Variants in DNAH12 observed in about 807,000 individuals in gnomAD.
DNAH12 encodes the protein axonemal beta dynein heavy chain 12.
A neutral mutation model predicts 371.5 loss-of-function variants in DNAH12; 285 were observed. The observed-to-expected ratio is 0.77, with a 90% CI of 0.70 to 0.85. The LOEUF (loss-of-function observed/expected upper bound fraction) is 0.85. Among genes scored for constraint, DNAH12 ranks in the 40% least tolerant of loss-of-function variants. The pLI, the probability that DNAH12 is intolerant of heterozygous loss-of-function variation, is 0.00. For synonymous variants in DNAH12, 1,200 were observed against 1,213.0 expected (o/e 0.99, Z 0.22); for missense variants, 3,611 against 3,689.4 (o/e 0.98, Z 0.55).
intron 25 of DNAH12, 90 bp from the exon 26 acceptor site, chr3:57,446,779 T>C (rs2065514393): frequency 1.2e-5 from 15 of 1,248,356 alleles, no homozygotes; most frequent in Admixed American, 3.6e-5. Context: ...TAGCCTGTTC[T>C]GTAGCTTCAG....
chr3:57,297,161 A>C (rs2061249552), intron 70 of DNAH12, 177 bp from the exon 71 acceptor site: 3 of 601,964 alleles, frequency 5.0e-6, no homozygotes, highest in Admixed American at 3.2e-5. Context: ...TTCCCCTTCT[A>C]CTCTTCTTGG....
At chr3:57,508,206 A>C (rs951750902) in intron 7 of DNAH12, among the ~76,000 whole-genome samples, 176 bp downstream of exon 7, 7 of 151,798 alleles carry the variant, frequency 4.6e-5, no homozygotes, top group Non-Finnish European at 8.8e-5. Flanking sequence ...AAAACAAAAA[A>C]AAAAAAAACC....
At chr3:57,432,586 T>C (rs1227573850) in intron 32 of DNAH12, among the ~76,000 whole-genome samples, 5 of 152,138 alleles carry the variant, frequency 3.3e-5, no homozygotes, top group Non-Finnish European at 7.3e-5. Context: ...ACTAGGATAC[T>C]AATATAGACA....
chr3:57,514,984 A>T (rs1361143211), intron 4 of DNAH12, among the ~76,000 whole-genome samples: 1 of 152,212 alleles, frequency 6.6e-6, no homozygotes, highest in Non-Finnish European at 1.5e-5. Flanking sequence ...GATTTAACAA[A>T]ATAAGTAAAC....
chr3:57,318,131 G>A (rs1235152717), intron 65 of DNAH12, among the ~76,000 whole-genome samples: 1 of 152,034 alleles, frequency 6.6e-6, no homozygotes, highest in Non-Finnish European at 1.5e-5. Flanking sequence ...TTTTCACTTT[G>A]TTGATCATTT....
chr3:57,457,460 C>T (rs1486444012), intron 22 of DNAH12, among the ~76,000 whole-genome samples: 3 of 152,148 alleles, frequency 2.0e-5, no homozygotes, highest in Non-Finnish European at 4.4e-5. Context: ...CTCCAATAGC[C>T]TATCACTGGA....
chr3:57,310,357 T>C (rs1020067689), intron 67 of DNAH12, among the ~76,000 whole-genome samples: 4 of 152,234 alleles, frequency 2.6e-5, no homozygotes, highest in Non-Finnish European at 5.9e-5. Context: ...AAAGCTCATG[T>C]GCACAGAAAA....
intron 45 of DNAH12, among the ~76,000 whole-genome samples, chr3:57,389,332 T>C (rs2063561158): frequency 6.6e-6 from 1 of 152,122 alleles, no homozygotes; most frequent in Non-Finnish European, 1.5e-5. Flanking sequence ...TCTTTGGCAG[T>C]TAGAATATTT....
intron 71 of DNAH12, 77 bp downstream of exon 71, chr3:57,296,770 G>T: frequency 2.0e-6 from 3 of 1,469,256 alleles, no homozygotes; most frequent in South Asian, 2.7e-5. Flanking sequence ...GCTTACAATG[G>T]GTTACAATAC....
rs146559822 is a variant in DNAH12 at position 57,452,944 on chromosome 3, C to T, written c.3685G>A (p.Val1229Ile). 6.4e-7 allele frequency: 1 copy of T among 1,551,288 alleles called. No individual in the cohort carries two copies. The highest frequency in any genetic ancestry group is 1.4e-5 in the African/African-American group (1 of 73,118). The change falls in exon 25 of 74, where the codon GTT becomes ATT. Residue 1229 changes from valine (V) to isoleucine (I), a missense_variant. Around this residue, in one of 3 missense-constraint regions of DNAH12, gnomAD observed 31 missense variants for 53.8 expected, o/e 0.58. Transcript: ENST00000495027. ...TTTACATTGCAATTAATGATACGAA[C>T]TCGGGCATTCTCATTTTCCCAATAA... is the stretch of plus-strand genomic sequence containing the variant. The part of the protein sequence containing the change: ...RYYWENENAR[V>I]RIINCNVKYA...
At chr3:57,445,804 T>C (rs1362726720) in intron 27 of DNAH12, among the ~76,000 whole-genome samples, 1 of 151,912 alleles carries the variant, frequency 6.6e-6, no homozygotes, top group Non-Finnish European at 1.5e-5. Context: ...CTGGCTAACA[T>C]GGTAAAACCC....
intron 69 of DNAH12, among the ~76,000 whole-genome samples, chr3:57,307,908 C>T (rs187535844): frequency 6.6e-6 from 1 of 152,316 alleles, no homozygotes; most frequent in East Asian, 1.9e-4. Context: ...CAAAGGCAGG[C>T]TATGCTATAG....
At position 57,446,704 on chromosome 3, in the gene DNAH12, A is replaced by T; in HGVS notation, c.3787-15T>A. ...AAAGCACCTATCTGAAATGAAAAAC[A>T]CATGTGAAAAGAAATCCATGCTTAA... On this transcript the variant is annotated splice_polypyrimidine_tract_variant and intron_variant, in intron 25 of 73. Transcript: ENST00000495027. 1 of 1,476,558 alleles carries T rather than the reference A, an allele frequency of 6.8e-7. No individual in the cohort carries two copies. Among genetic ancestry groups the T allele is most frequent in the Non-Finnish European group, 9.0e-7 (1 of 1,108,216 alleles). 91.5% of individuals were successfully genotyped at this position (1,476,558 alleles called of 1,614,324 possible).
In DNAH12 at chr3:57,475,992, G is replaced by A. The variant is rs1575654391; in HGVS notation, c.1651-3321C>T. On this transcript the variant is annotated intron_variant, in intron 13 of 73. Transcript: ENST00000495027. ...AGCATTGCCAGTAATATCAAAAGCAGAAACAACCAAATATCCAGAACAGTA... is the reference window on the plus strand; with the variant it reads ...AGCATTGCCAGTAATATCAAAAGCAAAAACAACCAAATATCCAGAACAGTA... Among the ~76,000 whole-genome samples the A allele has an allele frequency of 2.0e-5, 3 of 152,214 alleles. No homozygotes were observed. In the South Asian group the frequency reaches 6.2e-4, roughly 32 times the overall value.
chr3:57,353,828 C>T (rs1255369460), intron 59 of DNAH12, among the ~76,000 whole-genome samples: 2 of 152,044 alleles, frequency 1.3e-5, no homozygotes, highest in African/African-American at 4.8e-5. Flanking sequence ...CAATGGGATA[C>T]CATCTCACAC....
chr3:57,431,857 T>A (rs1030014305), intron 32 of DNAH12, among the ~76,000 whole-genome samples: 4 of 152,170 alleles, frequency 2.6e-5, no homozygotes, highest in African/African-American at 9.7e-5. Flanking sequence ...TCTTCTTTTA[T>A]CCTCAATTTT....
At chr3:57,446,794 G>A (rs2065515034) in intron 25 of DNAH12, 105 bp from the exon 26 acceptor site, 2 of 1,135,678 alleles carry the variant, frequency 1.8e-6, no homozygotes, top group Non-Finnish European at 2.3e-6. Flanking sequence ...CTTCAGAGAA[G>A]CCATTATATA....
In DNAH12 at chr3:57,507,777, C is replaced by A. The variant is rs373483492; in HGVS notation, c.763G>T (p.Ala255Ser). Reference protein sequence around the residue: ...KTDLSIQTRNAEEKIMNTWYP... With the variant: ...KTDLSIQTRNSEEKIMNTWYP... ...CATGTATTCATTATCTTCTCTTCTGCGTTTCTAGTTTGTATTGATAGATCA... is the reference window on the plus strand; with the variant it reads ...CATGTATTCATTATCTTCTCTTCTGAGTTTCTAGTTTGTATTGATAGATCA... The change falls in exon 8 of 74, where the codon GCA becomes TCA. Residue 255 changes from alanine (A) to serine (S), a missense_variant. Physicochemically the swap from Ala to Ser is moderately conservative, Grantham distance 99. Coordinates refer to ENST00000495027, the MANE Select transcript of DNAH12 (RefSeq NM_001366028.2). 5.0e-6 allele frequency: 8 copies of A among 1,607,898 alleles called. No homozygotes were observed. In the African/African-American group the frequency reaches 1.1e-4, roughly 22 times the overall value.
At chr3:57,327,052 T>A (rs1479744762) in intron 62 of DNAH12, among the ~76,000 whole-genome samples, 2 of 151,314 alleles carry the variant, frequency 1.3e-5, no homozygotes, top group African/African-American at 2.4e-5. Context: ...GCACCCAGAT[T>A]CATAAAGCAA....
Sources: allele counts gnomAD v4.1 joint callset (sites outside exome capture counted in the v4.1 genomes callset), GRCh38; gene constraint gnomAD v4.1.1; regional missense constraint gnomAD v4.1.1; transcripts MANE v1.5; gene names NCBI Gene and HGNC (gene_info 2026-07-23, HGNC 2026-07-21).